MAN1A2: variants seen among roughly 807,000 people sequenced by gnomAD.
MAN1A2 encodes mannosidase alpha class 1A member 2, also known as mannosyl-oligosaccharide 1,2-alpha-mannosidase IB.
Under a neutral mutation model 75.7 loss-of-function variants are expected in MAN1A2, and 26 were observed. That is an observed-to-expected ratio of 0.34 (90% CI 0.25 to 0.48). MAN1A2 has a LOEUF of 0.48. Ranked by LOEUF, MAN1A2 falls within the 20% of genes least tolerant of loss-of-function variation. MAN1A2 has a pLI of 0.99. For missense variants in MAN1A2, 562 were observed against 775.5 expected (o/e 0.72, Z 3.27); for synonymous variants, 247 against 264.6 (o/e 0.93, Z 0.65).
At chr1:117,516,318 T>G (rs1312400279) in intron 12 of MAN1A2, among the ~76,000 whole-genome samples, 1 of 152,126 alleles carries the variant, frequency 6.6e-6, no homozygotes, top group African/African-American at 2.4e-5. Flanking sequence ...ATAGATGTAT[T>G]TAATGTCCAT....
In MAN1A2 at chr1:117,499,534, T is replaced by G; in HGVS notation, c.1657T>G (p.Trp553Gly). ...CACTCACGATCCAAGATACAGGCAG[T>G]GGGGCTGGGAAGCAGCACTGGTAAA... Reference protein sequence around the residue: ...RFTHDPRYRQWGWEAALAIEK... With the variant: ...RFTHDPRYRQGGWEAALAIEK... The change falls in exon 11 of 13, where the codon TGG (tryptophan) becomes GGG (glycine). Residue 553 changes from tryptophan (W) to glycine (G), a missense_variant. Trp to Gly is a radical substitution (Grantham distance 184). Transcript: ENST00000356554. 6.2e-7 allele frequency: 1 copy of G among 1,605,322 alleles called. No individual in the cohort carries two copies. The highest frequency in any genetic ancestry group is 8.5e-7 in the Non-Finnish European group (1 of 1,175,860).
intron 11 of MAN1A2, among the ~76,000 whole-genome samples, chr1:117,500,708 G>C (rs1181221410): frequency 6.6e-6 from 1 of 151,844 alleles, no homozygotes; most frequent in Non-Finnish European, 1.5e-5. Flanking sequence ...ATTTATTGAT[G>C]CTGCTTTTCC....
intron 9 of MAN1A2, among the ~76,000 whole-genome samples, chr1:117,495,526 C>CAGAT (rs1651012433): frequency 1.3e-5 from 2 of 151,848 alleles, no homozygotes; most frequent in Admixed American, 6.6e-5. Flanking sequence ...CCTATCCTTA[C>CAGAT]AGATACCCAT....
rs1423892385 is a variant in MAN1A2 at position 117,497,086 on chromosome 1, A to G, written c.1504+104A>G. On this transcript the variant is annotated intron_variant, in intron 10 of 12. Coordinates refer to ENST00000356554, the MANE Select transcript of MAN1A2 (RefSeq NM_006699.5). ...ATATATAGGCACTTTTTACTTCCAAATAGTTTACACCAACAAGGCAAATCA... is the reference window on the plus strand; with the variant it reads ...ATATATAGGCACTTTTTACTTCCAAGTAGTTTACACCAACAAGGCAAATCA... 7.4e-6 allele frequency: 6 copies of G among 812,600 alleles called. No homozygotes were observed. In the East Asian group the frequency reaches 8.8e-5, roughly 12 times the overall value. The allele number at this position is 812,600 out of a possible 1,614,324, so 50.3% of individuals were successfully genotyped here.
At chr1:117,445,866 G>GTATA (rs1255167664) in intron 6 of MAN1A2, among the ~76,000 whole-genome samples, 2,198 of 119,550 alleles carry the variant, frequency 0.018, 84 homozygotes, top group East Asian at 0.049. Context: ...GTGTATGTGT[G>GTATA]TGTGTGTCTG....
At chr1:117,505,700 T>C (rs1651337153) in intron 12 of MAN1A2, among the ~76,000 whole-genome samples, 1 of 151,316 alleles carries the variant, frequency 6.6e-6, no homozygotes, top group Non-Finnish European at 1.5e-5. Context: ...CAAAAAGGAA[T>C]CATTCTGCAC....
intron 6 of MAN1A2, among the ~76,000 whole-genome samples, chr1:117,447,593 T>C (rs948134228): frequency 3.3e-5 from 5 of 152,188 alleles, no homozygotes; most frequent in African/African-American, 4.8e-5. Flanking sequence ...ATGGCTCTTA[T>C]CGAACCTTTT....
In MAN1A2 at chr1:117,402,378, A is replaced by G. The variant is rs375685342; in HGVS notation, c.495A>G (p.Val165=). The G allele has an allele frequency of 1.9e-6, 3 of 1,613,260 alleles. No individual in the cohort carries two copies. The African/African-American group carries it at 4.0e-5, about 22-fold the overall frequency. ...PLPPVPIPNL[V]GIRGGDPEDN... ...CACCAGTCCCTATTCCCAACCTTGT[A>G]GGAATACGTGGTGGAGACCCAGAAG... The change falls in exon 2 of 13, where the codon GTA becomes GTG. Residue 165 remains valine (V), a synonymous_variant. Transcript: ENST00000356554.
intron 3 of MAN1A2, among the ~76,000 whole-genome samples, chr1:117,413,958 T>C (rs1396795212): frequency 6.6e-5 from 10 of 151,950 alleles, no homozygotes; most frequent in Admixed American, 4.6e-4. Flanking sequence ...TTTTCTTCTC[T>C]TAAGTTTTCA....
In MAN1A2 at chr1:117,460,631, T is replaced by G; in HGVS notation, c.1074+19T>G. The G allele has an allele frequency of 6.3e-7, 1 of 1,590,562 alleles. No individual in the cohort carries two copies. ...CAAAAAGGTTTGTTTTCTTGCCTTCTATTCTTTGTTTGTTATAAAGAGTCC... is the reference window on the plus strand; with the variant it reads ...CAAAAAGGTTTGTTTTCTTGCCTTCGATTCTTTGTTTGTTATAAAGAGTCC... On this transcript the variant is annotated intron_variant, in intron 7 of 12. Coordinates refer to ENST00000356554, the MANE Select transcript of MAN1A2 (RefSeq NM_006699.5).
At chr1:117,481,467 G>A (rs1018574654) in intron 8 of MAN1A2, among the ~76,000 whole-genome samples, 5 of 151,958 alleles carry the variant, frequency 3.3e-5, no homozygotes, top group Admixed American at 2.0e-4. Context: ...AAAGGACAAT[G>A]TACTAGGTAT....
chr1:117,483,919 A>G (rs1465164201), intron 8 of MAN1A2, among the ~76,000 whole-genome samples: 3 of 151,994 alleles, frequency 2.0e-5, no homozygotes, highest in East Asian at 1.9e-4. Context: ...ATCAATACCT[A>G]GTTTATCACT....
chr1:117,491,868 A>C (rs977772709), intron 8 of MAN1A2, among the ~76,000 whole-genome samples: 2 of 152,006 alleles, frequency 1.3e-5, no homozygotes, highest in Admixed American at 6.6e-5. Flanking sequence ...GTAACTGTAG[A>C]TGTGGTGGAA....
chr1:117,396,554 G>T (rs1479161028), intron 1 of MAN1A2, among the ~76,000 whole-genome samples: 2 of 152,066 alleles, frequency 1.3e-5, no homozygotes, highest in African/African-American at 4.8e-5. Context: ...CTAGAAATTT[G>T]GCTGCCAAAG....
intron 1 of MAN1A2, among the ~76,000 whole-genome samples, chr1:117,390,304 C>A (rs896144469): frequency 2.0e-4 from 30 of 149,766 alleles, no homozygotes; most frequent in African/African-American, 7.3e-4. Context: ...CATTCAGTTT[C>A]TTTAATAGAT....
At chr1:117,389,720 T>G (rs1187488128) in intron 1 of MAN1A2, among the ~76,000 whole-genome samples, 2 of 152,246 alleles carry the variant, frequency 1.3e-5, no homozygotes, top group Middle Eastern at 3.4e-3. Flanking sequence ...TTTCTTTTTT[T>G]TTTGTGTGTG....
At chr1:117,492,300 A>G (rs1268022478) in intron 8 of MAN1A2, among the ~76,000 whole-genome samples, 1 of 152,082 alleles carries the variant, frequency 6.6e-6, no homozygotes, top group African/African-American at 2.4e-5. Context: ...CACCACCCTG[A>G]TCAGTCAGCA....
chr1:117,493,023 G>C (rs112735129), intron 8 of MAN1A2, 124 bp from the exon 9 acceptor site: 1 of 601,934 alleles, frequency 1.7e-6, no homozygotes, highest in Non-Finnish European at 3.0e-6. Context: ...TTGGAAATAG[G>C]GTTGTCAATG....
chr1:117,434,747 C>CTGTGTGTG (rs61681259), intron 5 of MAN1A2, among the ~76,000 whole-genome samples: 11 of 135,422 alleles, frequency 8.1e-5, no homozygotes, highest in East Asian at 6.6e-4. Context: ...TTGGTTACAG[C>CTGTGTGTG]TGTGTGTGTG....
Sources: allele counts gnomAD v4.1 joint callset (sites outside exome capture counted in the v4.1 genomes callset), GRCh38; gene constraint gnomAD v4.1.1; transcripts MANE v1.5; gene names NCBI Gene and HGNC (gene_info 2026-07-23, HGNC 2026-07-21).